PRKCQ: variants seen among roughly 807,000 people sequenced by gnomAD.
The protein encoded by PRKCQ is protein kinase C theta.
In PRKCQ, 41 loss-of-function variants were observed where a neutral mutation model predicts 91.2. The observed-to-expected ratio is 0.45, with a 90% CI of 0.35 to 0.58. PRKCQ has a LOEUF of 0.58. Ranked by LOEUF, PRKCQ falls within the 20% of genes least tolerant of loss-of-function variation. The pLI, the probability that PRKCQ is intolerant of heterozygous loss-of-function variation, is 0.00. For synonymous variants in PRKCQ, 307 were observed against 316.9 expected, an observed-to-expected ratio of 0.97 and a Z score of 0.33; for missense variants, 673 against 896.5, an observed-to-expected ratio of 0.75 and a Z score of 3.18.
At chr10:6,552,754 G>A (rs1020070340) in intron 1 of PRKCQ, among the ~76,000 whole-genome samples, 2 of 151,996 alleles carry the variant, frequency 1.3e-5, no homozygotes, top group African/African-American at 2.4e-5. Context: ...GGTGTGAGTC[G>A]CTGCACCCAA....
chr10:6,446,122 G>A (rs1472004180), intron 15 of PRKCQ, among the ~76,000 whole-genome samples: 2 of 152,146 alleles, frequency 1.3e-5, no homozygotes, highest in East Asian at 1.9e-4. Context: ...TTTTGCAGAC[G>A]TTATGTCTTT....
chr10:6,514,314 T>C (rs1007796950), intron 2 of PRKCQ, among the ~76,000 whole-genome samples: 2 of 152,128 alleles, frequency 1.3e-5, no homozygotes, highest in Non-Finnish European at 2.9e-5. Context: ...AAACTTCCAA[T>C]GCAGAGGTGA....
Position 6,465,137 on chromosome 10 carries a change from A to C in PRKCQ, c.1354-733T>G, listed in dbSNP as rs1298276799. 6.6e-6 allele frequency among the ~76,000 whole-genome samples: 1 copy of C among 152,208 alleles called. No homozygotes were observed. Among genetic ancestry groups the C allele is most frequent in the Non-Finnish European group, 1.5e-5 (1 of 68,028 alleles). ...TCTCTGACTCCAAGGGCGGAGCTTG[A>C]AAACATTCATTCACTCAACACTCAG... On this transcript the variant is annotated intron_variant, in intron 12 of 17. Coordinates refer to ENST00000263125, the MANE Select transcript of PRKCQ (RefSeq NM_006257.5). The surrounding 1 kb of genome is among the most constrained non-coding windows in gnomAD (Gnocchi z 4.4).
intron 14 of PRKCQ, 68 bp from the exon 15 acceptor site, chr10:6,456,880 G>T: frequency 6.5e-7 from 1 of 1,540,058 alleles, no homozygotes; most frequent in Non-Finnish European, 8.8e-7. Flanking sequence ...AATTCCATAG[G>T]AGGCGAGGGA....
chr10:6,458,100 A>C (rs774777667), intron 14 of PRKCQ, among the ~76,000 whole-genome samples: 1 of 152,092 alleles, frequency 6.6e-6, no homozygotes, highest in Non-Finnish European at 1.5e-5. Flanking sequence ...ATGCCTGGCT[A>C]ATTTTTAAAA....
At chr10:6,446,852 G>C (rs1834336790) in intron 15 of PRKCQ, among the ~76,000 whole-genome samples, 1 of 152,214 alleles carries the variant, frequency 6.6e-6, no homozygotes, top group Admixed American at 6.5e-5. Context: ...AAAGCAGCGA[G>C]AGAGGAACAG....
intron 4 of PRKCQ, among the ~76,000 whole-genome samples, chr10:6,504,844 G>A (rs1056276551): frequency 1.3e-5 from 2 of 151,878 alleles, no homozygotes; most frequent in African/African-American, 4.8e-5. Flanking sequence ...TTTAGAGATG[G>A]AGTGTCAATT....
At chr10:6,423,994 A>G (rs1364075532), downstream of PRKCQ, among the ~76,000 whole-genome samples, 2 of 151,704 alleles carry the variant, frequency 1.3e-5, no homozygotes, top group Non-Finnish European at 1.5e-5. Context: ...CCAGGGTGGT[A>G]GGCTCGGTGG....
At chr10:6,553,318 T>C (rs1370827619) in intron 1 of PRKCQ, among the ~76,000 whole-genome samples, 1 of 151,924 alleles carries the variant, frequency 6.6e-6, no homozygotes, top group Non-Finnish European at 1.5e-5. Flanking sequence ...AGCAAAATCC[T>C]GCCTCTACTA....
intron 1 of PRKCQ, among the ~76,000 whole-genome samples, chr10:6,545,900 G>A (rs1348075664): frequency 1.3e-5 from 2 of 152,124 alleles, no homozygotes; most frequent in African/African-American, 4.8e-5. Context: ...CTATTCGGGA[G>A]GCTGAGGCGG....
rs573077199 is a variant in PRKCQ at position 6,544,741 on chromosome 10, C to T, written c.-9-29597G>A. Among the ~76,000 whole-genome samples, 4 of 152,130 alleles carry T rather than the reference C, an allele frequency of 2.6e-5. No individual in the cohort carries two copies. The East Asian group carries it at 7.7e-4, about 29-fold the overall frequency. The stretch of plus-strand genomic sequence containing the variant: ...GTTTAAGAGATTCTCCTGCCTCAGC[C>T]TCCCAAGTAACTGGGACAACAGGCA... On this transcript the variant is annotated intron_variant, in intron 1 of 17. Transcript: ENST00000263125.
intron 1 of PRKCQ, among the ~76,000 whole-genome samples, chr10:6,529,403 T>C (rs978933052): frequency 6.6e-6 from 1 of 152,196 alleles, no homozygotes; most frequent in African/African-American, 2.4e-5. Flanking sequence ...AGATGCTGGA[T>C]CCCTTGCAGT....
intron 14 of PRKCQ, 116 bp from the exon 15 acceptor site, chr10:6,456,928 G>A (rs1835038100): frequency 9.3e-7 from 1 of 1,072,708 alleles, no homozygotes; most frequent in Non-Finnish European, 1.3e-6. Context: ...CTCACGAGAG[G>A]CGCTTATGTA....
At chr10:6,424,563 G>A (rs1454019852), downstream of PRKCQ, among the ~76,000 whole-genome samples, 1 of 152,210 alleles carries the variant, frequency 6.6e-6, no homozygotes, top group Non-Finnish European at 1.5e-5. Context: ...GTTCTGGGAT[G>A]TTCCCGGTCT....
At chr10:6,413,772 T>A in the PRKCQ span, among the ~76,000 whole-genome samples, 1 of 120,070 alleles carries the variant, frequency 8.3e-6, no homozygotes, top group Non-Finnish European at 1.7e-5. Context: ...TAAATGCCAC[T>A]TGTGCACACA....
At chr10:6,519,277 C>T (rs1005454410) in intron 1 of PRKCQ, among the ~76,000 whole-genome samples, 2 of 152,110 alleles carry the variant, frequency 1.3e-5, no homozygotes, top group Non-Finnish European at 2.9e-5. Context: ...TGTGATCTGT[C>T]CTCTGTGCAC....
chr10:6,469,404 T>A (rs998180413), intron 12 of PRKCQ, among the ~76,000 whole-genome samples: 1 of 152,162 alleles, frequency 6.6e-6, no homozygotes, highest in Non-Finnish European at 1.5e-5. Flanking sequence ...TGTTTAGGTA[T>A]GGAATTCCGA....
At chr10:6,421,585 A>T in the PRKCQ span, among the ~76,000 whole-genome samples, 1 of 152,206 alleles carries the variant, frequency 6.6e-6, no homozygotes, top group Non-Finnish European at 1.5e-5. This position sits in a 1 kb window ranked among gnomAD's most constrained non-coding sequence, Gnocchi z 4.1. Flanking sequence ...GATGTGGTAC[A>T]TTTCCATCAC....
At chr10:6,508,239 T>C (rs1838297525) in intron 3 of PRKCQ, among the ~76,000 whole-genome samples, 1 of 152,200 alleles carries the variant, frequency 6.6e-6, no homozygotes, top group Non-Finnish European at 1.5e-5. Context: ...AGCTGAGCGC[T>C]GTTGTTAATC....
Sources: gnomAD v4.1 joint callset for allele counts (sites outside exome capture counted in the v4.1 genomes callset) on GRCh38, gnomAD v4.1.1 for gene constraint, Gnocchi (gnomAD v3.1) non-coding constraint, MANE v1.5 for transcripts, NCBI Gene and HGNC (gene_info 2026-07-23, HGNC 2026-07-21) for gene names.